Variants in SETX observed in about 807,000 individuals in gnomAD.
SETX encodes the protein senataxin, also known as helicase senataxin.
Under a neutral mutation model 227.2 loss-of-function variants are expected in SETX, and 90 were observed. The observed-to-expected ratio is 0.40, with a 90% CI of 0.33 to 0.47. The LOEUF is 0.47. SETX is among the 20% of genes least tolerant of loss of function. The pLI, the probability that SETX is intolerant of heterozygous loss-of-function variation, is 0.91. For synonymous variants in SETX, 1,210 were observed against 1,113.2 expected, an observed-to-expected ratio of 1.09 and a Z score of -1.73; for missense variants, 3,052 against 3,181.5, an observed-to-expected ratio of 0.96 and a Z score of 0.98.
intron 10 of SETX, among the ~76,000 whole-genome samples, chr9:132,319,116 C>T (rs1255640936): frequency 6.6e-6 from 1 of 152,120 alleles, no homozygotes; most frequent in African/African-American, 2.4e-5. Flanking sequence ...ACTTCAGAAT[C>T]ATCCTCCCTT....
At chr9:132,324,267 T>C (rs981821962) in intron 10 of SETX, among the ~76,000 whole-genome samples, 1 of 151,760 alleles carries the variant, frequency 6.6e-6, no homozygotes, top group South Asian at 2.1e-4. Flanking sequence ...GAAAAAAAAA[T>C]AATAAAGCAA....
At chr9:132,304,506 C>CA (rs1469473867) in intron 11 of SETX, among the ~76,000 whole-genome samples, 265 of 127,374 alleles carry the variant, frequency 2.1e-3, no homozygotes, top group African/African-American at 4.9e-3. Context: ...GTAAAGATTA[C>CA]AAAAAAAAAA....
At position 132,262,308 on chromosome 9, in the gene SETX, C is replaced by T. The variant is rs1312880374; in HGVS notation, c.*1931G>A. On this transcript the variant is annotated 3_prime_UTR_variant, in exon 26 of 26. Transcript: ENST00000224140. Reference sequence around the variant, plus strand: ...ATGAGCAGCGTGAGAGACATCCTGACCCCAACGTTTTTGCCATGCCTCCCT... The same window carrying T: ...ATGAGCAGCGTGAGAGACATCCTGATCCCAACGTTTTTGCCATGCCTCCCT... 6.6e-6 allele frequency: 1 copy of T among 152,182 alleles called. No individual in the cohort carries two copies. Among genetic ancestry groups the T allele is most frequent in the Non-Finnish European group, 1.5e-5 (1 of 68,052 alleles). The allele number at this position is 152,182 out of a possible 1,614,324, so 9.4% of individuals were successfully genotyped here.
At position 132,327,265 on chromosome 9, in the gene SETX, C is replaced by T; in HGVS notation, c.4333G>A (p.Val1445Ile). 3.1e-6 allele frequency: 5 copies of T among 1,614,192 alleles called. No homozygotes were observed. The highest frequency in any genetic ancestry group is 4.2e-6 in the Non-Finnish European group (5 of 1,180,028). Residue 1445 changes from valine (V) to isoleucine (I), a missense_variant, in exon 10 of 26, where the codon GTA (valine) becomes ATA (isoleucine). Physicochemically the swap from Val to Ile is conservative, Grantham distance 29 (BLOSUM62 3). Transcript: ENST00000224140. ...DACPLNQCDSVVLNGTVPTNE... is the reference protein window; with the variant it reads ...DACPLNQCDSIVLNGTVPTNE... The stretch of plus-strand genomic sequence containing the variant: ...GTTGGTACTGTTCCATTTAACACTA[C>T]AGAATCACACTGGTTCAAAGGGCAA...
Position 132,334,594 on chromosome 9 carries a change from G to C in SETX, c.838+14C>G. 6.2e-7 allele frequency: 1 copy of C among 1,613,742 alleles called. No homozygotes were observed. The highest frequency in any genetic ancestry group is 8.5e-7 in the Non-Finnish European group (1 of 1,179,772). ...CACTATATTCAACAACATTCAGCAA[G>C]TAAAGTTTATTACCATCTGCTTCCC... On this transcript the variant is annotated intron_variant, in intron 7 of 25. Transcript: ENST00000224140.
At chr9:132,303,333 A>G (rs1445112924) in intron 11 of SETX, among the ~76,000 whole-genome samples, 1 of 150,452 alleles carries the variant, frequency 6.6e-6, no homozygotes, top group East Asian at 1.9e-4. Flanking sequence ...TCTACCTTTA[A>G]AAAAGCAAAA....
chr9:132,289,912 T>A (rs185381652), intron 15 of SETX, among the ~76,000 whole-genome samples: 17 of 152,346 alleles, frequency 1.1e-4, no homozygotes, highest in African/African-American at 4.1e-4. Context: ...TTGGGTTTTT[T>A]AAAATCTTTT....
intron 24 of SETX, among the ~76,000 whole-genome samples, chr9:132,270,479 G>A (rs571698730): frequency 1.3e-5 from 2 of 152,342 alleles, no homozygotes; most frequent in South Asian, 4.2e-4. Context: ...GCTTTTCCGG[G>A]ACTCCTTCAC....
chr9:132,305,525 T>C (rs778010139), intron 11 of SETX, among the ~76,000 whole-genome samples: 1 of 152,046 alleles, frequency 6.6e-6, no homozygotes, highest in Non-Finnish European at 1.5e-5. Context: ...CGATGCAAGT[T>C]AGTATCACCA....
chr9:132,329,314 T>A lies in SETX; in HGVS notation c.2284A>T (p.Asn762Tyr), dbSNP rs766310688. The change falls in exon 10 of 26, where the codon AAT becomes TAT. Residue 762 changes from asparagine (N) to tyrosine (Y), a missense_variant. Physicochemically the swap from Asn to Tyr is moderately radical, Grantham distance 143. Around this residue, in one of 10 missense-constraint regions of SETX, gnomAD observed 1,483 missense variants for 1,312.0 expected, o/e 1.13. Coordinates refer to ENST00000224140, the MANE Select transcript of SETX (RefSeq NM_015046.7). ...TDALEKVSTS[N>Y]EDFSLKDDAL... ...TCATCCTTTAAAGAGAAATCTTCAT[T>A]CGATGTGGACACTTTTTCCAAAGCA... 5.0e-6 allele frequency: 8 copies of A among 1,613,716 alleles called. No homozygotes were observed. In the African/African-American group the frequency reaches 6.7e-5, roughly 13 times the overall value.
intron 14 of SETX, among the ~76,000 whole-genome samples, chr9:132,296,354 A>G (rs1198586871): frequency 6.6e-6 from 1 of 152,148 alleles, no homozygotes; most frequent in Non-Finnish European, 1.5e-5. Flanking sequence ...GGAGCTCGAG[A>G]CCAGCCTGGC....
intron 25 of SETX, among the ~76,000 whole-genome samples, chr9:132,265,853 C>T (rs1405395616): frequency 6.6e-6 from 1 of 152,172 alleles, no homozygotes; most frequent in African/African-American, 2.4e-5. Context: ...TGTGACTATT[C>T]TAGAAAAAGG....
chr9:132,314,664 G>C (rs550091728), intron 10 of SETX, among the ~76,000 whole-genome samples: 170 of 152,240 alleles, frequency 1.1e-3, no homozygotes, highest in African/African-American at 4.0e-3. Flanking sequence ...ATCTTCAAAG[G>C]AGGTCTGAGT....
At chr9:132,266,712 C>G (rs1198870936) in intron 25 of SETX, among the ~76,000 whole-genome samples, 1 of 152,100 alleles carries the variant, frequency 6.6e-6, no homozygotes, top group Non-Finnish European at 1.5e-5. Flanking sequence ...GCGGACGTTG[C>G]AGTGAGCTGA....
intron 23 of SETX, among the ~76,000 whole-genome samples, chr9:132,273,900 C>G (rs1843019029): frequency 6.6e-6 from 1 of 151,714 alleles, no homozygotes; most frequent in South Asian, 2.1e-4. Context: ...TCATTCTTAC[C>G]ATGAAGTATA....
intron 15 of SETX, among the ~76,000 whole-genome samples, chr9:132,291,360 G>A (rs1345540131): frequency 6.6e-6 from 1 of 151,944 alleles, no homozygotes; most frequent in African/African-American, 2.4e-5. Flanking sequence ...TAGAGATGGG[G>A]TTTCACTGTG....
chr9:132,287,613 G>T (rs116657195), intron 17 of SETX, among the ~76,000 whole-genome samples: 4 of 152,008 alleles, frequency 2.6e-5, no homozygotes, highest in African/African-American at 9.7e-5. Flanking sequence ...AAGCAGAGTT[G>T]AATAGCTGCA....
At position 132,326,626 on chromosome 9, in the gene SETX, C is replaced by T. The variant is rs1382407439; in HGVS notation, c.4972G>A (p.Val1658Ile). Residue 1658 changes from valine to isoleucine, a missense_variant, in exon 10 of 26, where the codon GTT (valine) becomes ATT (isoleucine). Physicochemically the swap from Val to Ile is conservative, Grantham distance 29. This residue lies in a region of SETX where 1,483 missense variants were observed against 1,312.0 expected (regional missense o/e 1.13). Transcript: ENST00000224140. The stretch of plus-strand genomic sequence containing the variant: ...TTATTCGGAGACTGAGGATGAAGAA[C>T]ATTGCACGAATTCTTCATTTCACCA... ...PVGEMKNSCN[V>I]LHPQSPNNSN... 5.6e-6 allele frequency: 9 copies of T among 1,614,092 alleles called. No individual in the cohort carries two copies. Among genetic ancestry groups the T allele is most frequent in the African/African-American group, 1.3e-5 (1 of 74,930 alleles).
chr9:132,308,332 C>A (rs1261960024), intron 11 of SETX, among the ~76,000 whole-genome samples: 3 of 152,144 alleles, frequency 2.0e-5, no homozygotes, highest in African/African-American at 7.2e-5. Flanking sequence ...ACAGGAAACA[C>A]ACAGAGGACA....
Sources: allele counts gnomAD v4.1 joint callset (sites outside exome capture counted in the v4.1 genomes callset), GRCh38; gene constraint gnomAD v4.1.1; regional missense constraint gnomAD v4.1.1; transcripts MANE v1.5; gene names NCBI Gene and HGNC (gene_info 2026-07-23, HGNC 2026-07-21).